Variants in SPIRE1 observed in about 807,000 individuals in gnomAD.
The protein encoded by SPIRE1 is spire type actin nucleation factor 1.
SPIRE1 carries 40 observed loss-of-function variants against 94.1 expected under a neutral mutation model. The observed-to-expected ratio is 0.43, with a 90% CI of 0.33 to 0.55. SPIRE1 has a LOEUF of 0.55. SPIRE1 is among the 20% of genes least tolerant of loss of function. The probability of loss-of-function intolerance (pLI) is 0.06; values close to 1 mark genes in which losing one functional copy is unlikely to be tolerated. For missense variants in SPIRE1, 838 were observed against 975.2 expected, an observed-to-expected ratio of 0.86 and a Z score of 1.87; for synonymous variants, 376 against 371.7, an observed-to-expected ratio of 1.01 and a Z score of -0.13.
intron 1 of SPIRE1, among the ~76,000 whole-genome samples, chr18:12,651,606 G>C (rs779370687): frequency 2.6e-5 from 4 of 152,014 alleles, no homozygotes; most frequent in African/African-American, 4.8e-5. Context: ...CCCAGGAAGC[G>C]GAGGCTGCAG....
chr18:12,494,681 CA>C (rs2033378262), intron 7 of SPIRE1, among the ~76,000 whole-genome samples: 1 of 147,292 alleles, frequency 6.8e-6, no homozygotes, highest in African/African-American at 2.5e-5. Context: ...AAAAAAAATA[CA>C]AAAAAAATTA....
intron 1 of SPIRE1, among the ~76,000 whole-genome samples, chr18:12,647,064 T>G (rs1256221990): frequency 6.7e-6 from 1 of 149,840 alleles, no homozygotes; most frequent in African/African-American, 2.5e-5. Flanking sequence ...AAAAAAAGCA[T>G]TAGCACAATT....
intron 6 of SPIRE1, among the ~76,000 whole-genome samples, chr18:12,504,553 T>G (rs371656782): frequency 1.1e-4 from 16 of 152,298 alleles, no homozygotes; most frequent in East Asian, 5.8e-4. Flanking sequence ...AAGAACCTTC[T>G]AACATAAAAT....
At position 12,467,085 on chromosome 18, in the gene SPIRE1, G is replaced by C. The variant is rs141628442; in HGVS notation, c.1405-2127C>G. Reference sequence around the variant, plus strand: ...ACTTGAGGTCAGGAGCTCAAGACCAGCCGGGCCAACATGGTGAAATCCTGT... The same window carrying C: ...ACTTGAGGTCAGGAGCTCAAGACCACCCGGGCCAACATGGTGAAATCCTGT... On this transcript the variant is annotated intron_variant, in intron 10 of 16. Coordinates refer to ENST00000409402, the MANE Select transcript of SPIRE1 (RefSeq NM_001128626.2). 8.5e-3 allele frequency among the ~76,000 whole-genome samples: 1,289 copies of C among 152,270 alleles called. 20 individuals carry two copies. The highest frequency in any genetic ancestry group is 0.03 in the African/African-American group (1,236 of 41,554).
chr18:12,549,451 T>TG (rs2035279618), intron 2 of SPIRE1, among the ~76,000 whole-genome samples: 1 of 96,788 alleles, frequency 1.0e-5, no homozygotes, highest in Non-Finnish European at 2.4e-5. Flanking sequence ...TTTTTTTTTT[T>TG]TTTTTTTTTT....
chr18:12,470,250 GT>G (rs1316732081), intron 10 of SPIRE1, among the ~76,000 whole-genome samples: 1 of 152,108 alleles, frequency 6.6e-6, no homozygotes, highest in African/African-American at 2.4e-5. Flanking sequence ...TGGCCACCAT[GT>G]GTGGCCAGTA....
intron 1 of SPIRE1, among the ~76,000 whole-genome samples, chr18:12,637,062 T>TAA (rs1251596800): frequency 6.6e-6 from 1 of 152,144 alleles, no homozygotes; most frequent in South Asian, 2.1e-4. Flanking sequence ...GTAGCCTCTT[T>TAA]AAGAGTATAT....
intron 1 of SPIRE1, among the ~76,000 whole-genome samples, chr18:12,635,981 C>T (rs1048951076): frequency 1.3e-5 from 2 of 151,858 alleles, no homozygotes; most frequent in East Asian, 1.9e-4. Context: ...CACCCACTCC[C>T]GGGTCCAAGT....
intron 10 of SPIRE1, among the ~76,000 whole-genome samples, chr18:12,476,391 A>T: frequency 6.6e-6 from 1 of 151,452 alleles, no homozygotes; most frequent in Admixed American, 6.6e-5. Context: ...ATATAAAAAA[A>T]TTAGCTGAGC....
At chr18:12,451,365 C>T (rs991152898) in intron 16 of SPIRE1, among the ~76,000 whole-genome samples, 4 of 152,166 alleles carry the variant, frequency 2.6e-5, no homozygotes, top group African/African-American at 9.7e-5. Flanking sequence ...ACCAGACCAA[C>T]ATCATAGTAA....
At chr18:12,658,275 C>T (rs1468919761), upstream of SPIRE1, 4 of 454,360 alleles carry the variant, frequency 8.8e-6, no homozygotes, top group East Asian at 3.1e-4. Flanking sequence ...GCAGGGCTCT[C>T]AGAGTCGCAG....
chr18:12,637,952 T>C (rs1326272425), intron 1 of SPIRE1, among the ~76,000 whole-genome samples: 1 of 152,228 alleles, frequency 6.6e-6, no homozygotes, highest in Non-Finnish European at 1.5e-5. Flanking sequence ...TCAACAGCTC[T>C]TGGTCATTCA....
intron 4 of SPIRE1, among the ~76,000 whole-genome samples, chr18:12,534,492 C>T (rs1348082653): frequency 6.6e-6 from 1 of 152,148 alleles, no homozygotes; most frequent in Admixed American, 6.5e-5. Flanking sequence ...CCAGAGGATA[C>T]TAGTGTGTGA....
intron 2 of SPIRE1, among the ~76,000 whole-genome samples, chr18:12,569,272 G>GGC (rs1474490290): frequency 6.6e-6 from 1 of 151,186 alleles, no homozygotes; most frequent in South Asian, 2.1e-4. Flanking sequence ...GAACCTGGGA[G>GGC]GGAGCTTGCA....
intron 12 of SPIRE1, among the ~76,000 whole-genome samples, chr18:12,457,946 G>A (rs1372023676): frequency 1.3e-5 from 2 of 150,422 alleles, no homozygotes; most frequent in Non-Finnish European, 2.9e-5. Flanking sequence ...CAGGGTTCAC[G>A]CCATTCTCCT....
intron 2 of SPIRE1, among the ~76,000 whole-genome samples, chr18:12,552,265 G>A (rs1278290699): frequency 6.6e-6 from 1 of 152,202 alleles, no homozygotes; most frequent in Admixed American, 6.5e-5. Context: ...TGGGCTCAGA[G>A]CCAGTGGACT....
At chr18:12,568,897 G>C (rs988878127) in intron 2 of SPIRE1, among the ~76,000 whole-genome samples, 1 of 150,644 alleles carries the variant, frequency 6.6e-6, no homozygotes, top group Non-Finnish European at 1.5e-5. Flanking sequence ...GCGTGATCCA[G>C]CCTGAACAGC....
intron 8 of SPIRE1, 41 bp downstream of exon 8, chr18:12,493,031 G>A: frequency 6.4e-7 from 1 of 1,553,656 alleles, no homozygotes; most frequent in South Asian, 1.2e-5. Flanking sequence ...CCTTTTCCCA[G>A]GGGATGACTC....
At chr18:12,512,312 G>C in intron 5 of SPIRE1, 142 bp downstream of exon 5, 2 of 567,838 alleles carry the variant, frequency 3.5e-6, no homozygotes, top group Non-Finnish European at 6.1e-6. Flanking sequence ...TGCAGTACCC[G>C]GGAGGTGGGG....
Sources: gnomAD v4.1 joint callset for allele counts (sites outside exome capture counted in the v4.1 genomes callset) on GRCh38, gnomAD v4.1.1 for gene constraint, MANE v1.5 for transcripts, NCBI Gene and HGNC (gene_info 2026-07-23, HGNC 2026-07-21) for gene names.